The following MDGA2 variants were observed in gnomAD, a reference collection of about 807,000 sequenced individuals.
The protein encoded by MDGA2 is MAM domain containing glycosylphosphatidylinositol anchor 2.
MDGA2 carries 40 observed loss-of-function variants against 117.8 expected under a neutral mutation model. The ratio of observed to expected loss-of-function variants is 0.34; its 90% CI spans 0.26 to 0.44. The LOEUF is 0.44. Among genes scored for constraint, MDGA2 ranks in the 20% least tolerant of loss-of-function variants. The probability of loss-of-function intolerance (pLI) is 1.00; values close to 1 mark genes in which losing one functional copy is unlikely to be tolerated. For missense variants in MDGA2, 1,123 were observed against 1,250.6 expected (o/e 0.90, Z 1.54); for synonymous variants, 452 against 439.0 (o/e 1.03, Z -0.37).
At chr14:47,053,266 G>T (rs1315390919) in intron 7 of MDGA2, among the ~76,000 whole-genome samples, 1 of 150,738 alleles carries the variant, frequency 6.6e-6, no homozygotes, top group African/African-American at 2.4e-5. Flanking sequence ...TCTCTTCTTG[G>T]GTGAGCCCAT....
intron 1 of MDGA2, among the ~76,000 whole-genome samples, chr14:47,304,472 A>G (rs567004167): frequency 1.1e-4 from 16 of 152,252 alleles, no homozygotes; most frequent in African/African-American, 3.4e-4. Flanking sequence ...CTATTGAGAA[A>G]CCATTAATAA....
At chr14:46,909,094 G>A (rs572391312) in intron 10 of MDGA2, among the ~76,000 whole-genome samples, 9 of 152,090 alleles carry the variant, frequency 5.9e-5, no homozygotes, top group African/African-American at 2.2e-4. Flanking sequence ...CAAACTATAC[G>A]CTTCATGAGA....
intron 9 of MDGA2, among the ~76,000 whole-genome samples, chr14:46,953,121 G>A (rs1025940979): frequency 8.6e-5 from 13 of 151,790 alleles, no homozygotes; most frequent in African/African-American, 3.1e-4. Flanking sequence ...AAGTTTTTCA[G>A]AGAAAGTTTT....
chr14:46,981,418 G>A (rs913785780), intron 8 of MDGA2, among the ~76,000 whole-genome samples: 68 of 152,000 alleles, frequency 4.5e-4, no homozygotes, highest in African/African-American at 1.6e-3. Flanking sequence ...AAAAAAAAAA[G>A]TCTGTACTAG....
intron 3 of MDGA2, among the ~76,000 whole-genome samples, chr14:47,202,528 G>GGA (rs1298039373): frequency 6.6e-6 from 1 of 152,036 alleles, no homozygotes; most frequent in Non-Finnish European, 1.5e-5. Context: ...CTATAACCTA[G>GGA]CATGCCATTT....
intron 2 of MDGA2, among the ~76,000 whole-genome samples, chr14:47,230,574 T>G (rs1886654817): frequency 6.6e-6 from 1 of 152,034 alleles, no homozygotes; most frequent in Non-Finnish European, 1.5e-5. Context: ...TATCGGTACA[T>G]TTTCAATCTT....
At chr14:47,079,800 C>T (rs1471574062) in intron 6 of MDGA2, among the ~76,000 whole-genome samples, 4 of 135,856 alleles carry the variant, frequency 2.9e-5, no homozygotes, top group African/African-American at 8.5e-5. Flanking sequence ...GGCGCAATCT[C>T]GGCTCCCTGC....
intron 1 of MDGA2, among the ~76,000 whole-genome samples, chr14:47,440,015 C>G (rs1892974214): frequency 6.6e-6 from 1 of 151,958 alleles, no homozygotes; most frequent in Non-Finnish European, 1.5e-5. Context: ...TGCACTGTTC[C>G]TACCACCTCT....
intron 1 of MDGA2, among the ~76,000 whole-genome samples, chr14:47,439,577 A>T (rs1279244719): frequency 3.3e-5 from 5 of 152,082 alleles, no homozygotes; most frequent in Non-Finnish European, 7.4e-5. Flanking sequence ...AGACACATCT[A>T]TATTTCATAG....
rs185962007 is a variant in MDGA2 at position 47,134,240 on chromosome 14, A to T, written c.793-2394T>A. ...CAGCATTATATTCTGGGCACGTGAC[A>T]CAGGGCTTAGCAGAGAGGAGACAAT... On this transcript the variant is annotated intron_variant, in intron 4 of 16. Coordinates refer to ENST00000399232, the MANE Select transcript of MDGA2 (RefSeq NM_001113498.3). 8.7e-4 allele frequency among the ~76,000 whole-genome samples: 133 copies of T among 152,206 alleles called. 1 individual carries two copies. The highest frequency in any genetic ancestry group is 3.1e-3 in the African/African-American group (130 of 41,550).
chr14:47,149,790 C>T (rs1226378598), intron 3 of MDGA2, among the ~76,000 whole-genome samples: 1 of 152,122 alleles, frequency 6.6e-6, no homozygotes, highest in Non-Finnish European at 1.5e-5. Context: ...GTGGAATGTT[C>T]CCATATCAAT....
chr14:47,297,162 T>C (rs1206919333), intron 2 of MDGA2, among the ~76,000 whole-genome samples: 1 of 152,146 alleles, frequency 6.6e-6, no homozygotes, highest in Non-Finnish European at 1.5e-5. Flanking sequence ...CTTTTCATTA[T>C]CTCACTTATT....
chr14:47,029,657 C>T (rs1210384316), intron 8 of MDGA2, among the ~76,000 whole-genome samples: 1 of 151,948 alleles, frequency 6.6e-6, no homozygotes, highest in Admixed American at 6.6e-5. Flanking sequence ...TTTAATAGCG[C>T]TTTGAGATGA....
At chr14:47,438,465 G>A (rs527722326) in intron 1 of MDGA2, among the ~76,000 whole-genome samples, 1 of 152,246 alleles carries the variant, frequency 6.6e-6, no homozygotes, top group East Asian at 1.9e-4. Flanking sequence ...AGAAATGGGA[G>A]CTGTTTAGAG....
chr14:47,009,794 C>G (rs551296753), intron 8 of MDGA2, among the ~76,000 whole-genome samples: 1 of 152,010 alleles, frequency 6.6e-6, no homozygotes, highest in Admixed American at 6.6e-5. Context: ...AGACAGACAA[C>G]ACTTTAGCAT....
intron 1 of MDGA2, among the ~76,000 whole-genome samples, chr14:47,423,091 T>C (rs1195925444): frequency 6.6e-6 from 1 of 152,192 alleles, no homozygotes; most frequent in Non-Finnish European, 1.5e-5. Flanking sequence ...TGTTTAGATG[T>C]ACAATCCTTG....
chr14:47,566,553 A>C (rs916187703), intron 1 of MDGA2, among the ~76,000 whole-genome samples: 1 of 152,166 alleles, frequency 6.6e-6, no homozygotes, highest in Non-Finnish European at 1.5e-5. Context: ...GGAGTCTTGC[A>C]CTTGTCACTT....
intron 1 of MDGA2, among the ~76,000 whole-genome samples, chr14:47,476,729 T>C (rs945526953): frequency 2.6e-5 from 4 of 152,186 alleles, no homozygotes; most frequent in African/African-American, 9.6e-5. Flanking sequence ...CATACGTGTA[T>C]GGGTATGTAA....
At chr14:47,479,797 A>G (rs1393753130) in intron 1 of MDGA2, among the ~76,000 whole-genome samples, 4 of 152,080 alleles carry the variant, frequency 2.6e-5, no homozygotes, top group Admixed American at 1.3e-4. Flanking sequence ...AACATCTCCT[A>G]TATTCATTCC....
Sources: allele counts gnomAD v4.1 joint callset (sites outside exome capture counted in the v4.1 genomes callset), GRCh38; gene constraint gnomAD v4.1.1; transcripts MANE v1.5; gene names NCBI Gene and HGNC (gene_info 2026-07-23, HGNC 2026-07-21).